Variants in RELN observed in about 807,000 individuals in gnomAD.
RELN encodes reelin.
RELN carries 108 observed loss-of-function variants against 427.6 expected under a neutral mutation model. The ratio of observed to expected loss-of-function variants is 0.25; its 90% confidence interval spans 0.22 to 0.30. RELN has a LOEUF of 0.30. Among genes scored for constraint, RELN ranks in the 10% least tolerant of loss-of-function variants. RELN has a pLI of 1.00. For synonymous variants in RELN, 1,524 were observed against 1,513.4 expected (o/e 1.01, Z -0.16); for missense variants, 3,715 against 4,302.8 (o/e 0.86, Z 3.82).
chr7:103,751,549 A>G (rs1014844147), intron 5 of RELN, among the ~76,000 whole-genome samples: 1 of 152,220 alleles, frequency 6.6e-6, no homozygotes, highest in Non-Finnish European at 1.5e-5. Flanking sequence ...GCTGTGATGT[A>G]TTCTGTGCAT....
At chr7:103,784,523 T>C (rs148234736) in intron 3 of RELN, among the ~76,000 whole-genome samples, 1 of 152,114 alleles carries the variant, frequency 6.6e-6, no homozygotes, top group African/African-American at 2.4e-5. Context: ...ATGGCTCTAT[T>C]TGGGTTTTAT....
At chr7:103,561,504 G>T in intron 36 of RELN, 28 bp downstream of exon 36, 3 of 1,541,138 alleles carry the variant, frequency 1.9e-6, no homozygotes, top group South Asian at 1.1e-5. Context: ...TAGTAATGTT[G>T]GGAAGGAGAA....
intron 4 of RELN, among the ~76,000 whole-genome samples, chr7:103,770,649 TA>T (rs1157962441): frequency 1.4e-4 from 15 of 106,202 alleles, no homozygotes; most frequent in African/African-American, 7.1e-4. Context: ...TTATTTTTTT[TA>T]AAAATTTTTT....
intron 8 of RELN, among the ~76,000 whole-genome samples, chr7:103,720,395 T>G (rs1384590439): frequency 6.6e-6 from 1 of 152,116 alleles, no homozygotes; most frequent in East Asian, 1.9e-4. Context: ...ATTGTGGTTA[T>G]ACATGCCCAA....
At chr7:103,826,051 G>T (rs39347) in intron 3 of RELN, among the ~76,000 whole-genome samples, 2 of 151,700 alleles carry the variant, frequency 1.3e-5, no homozygotes, top group African/African-American at 2.4e-5. Context: ...GAGTAGAGTA[G>T]TTACCTCAGG....
intron 61 of RELN, 128 bp downstream of exon 61, chr7:103,486,069 A>T: frequency 1.2e-6 from 1 of 860,940 alleles, no homozygotes; most frequent in Non-Finnish European, 2.0e-6. Flanking sequence ...CCCAAATTCA[A>T]ATGACAGGTT....
intron 53 of RELN, among the ~76,000 whole-genome samples, chr7:103,500,488 AAAG>A (rs1317664375): frequency 1.3e-5 from 2 of 152,228 alleles, no homozygotes; most frequent in African/African-American, 2.4e-5. Context: ...AAGAAAAAAA[AAAG>A]AAACCCAGAG....
chr7:103,739,174 C>A lies in RELN; in HGVS notation c.656+10252G>T, dbSNP rs571523070. Among the ~76,000 whole-genome samples the A allele has an allele frequency of 5.9e-5, 9 of 152,018 alleles. No homozygotes were observed. In the East Asian group the frequency reaches 1.7e-3, roughly 29 times the overall value. On this transcript the variant is annotated intron_variant, in intron 6 of 64. Coordinates refer to ENST00000428762, the MANE Select transcript of RELN (RefSeq NM_005045.4). ...TTGGCTGTTAGGTATAATTATTTTT[C>A]AAAAAAATCAAGAATTTCCCCATTC...
intron 1 of RELN, among the ~76,000 whole-genome samples, chr7:103,926,642 T>TG (rs1795746211): frequency 6.9e-5 from 2 of 29,050 alleles, no homozygotes; most frequent in Admixed American, 3.3e-4. Flanking sequence ...TTTTTTTTTT[T>TG]TTTTTTTTTT....
At position 103,604,233 on chromosome 7, in the gene RELN, C is replaced by T. The variant is rs1232827252; in HGVS notation, c.3146+113G>A. On this transcript the variant is annotated intron_variant, in intron 23 of 64. Coordinates refer to ENST00000428762, the MANE Select transcript of RELN (RefSeq NM_005045.4). ...AGAAAGGAGGACTTGTTTCTTTTGG[C>T]TATGTCATTATTTATCGGTCTATCC... 2.4e-6 allele frequency: 3 copies of T among 1,235,116 alleles called. No individual in the cohort carries two copies. In the African/African-American group the frequency reaches 4.4e-5, roughly 18 times the overall value. The allele number at this position is 1,235,116 out of a possible 1,614,324, so 76.5% of individuals were successfully genotyped here. A position where few individuals can be genotyped will look rare whatever the true frequency, so the allele number is the denominator to read the frequency against.
chr7:103,531,239 A>T (rs1829931325), intron 46 of RELN, among the ~76,000 whole-genome samples: 1 of 152,200 alleles, frequency 6.6e-6, no homozygotes, highest in Non-Finnish European at 1.5e-5. Context: ...AGAAACACAA[A>T]ATAACTTGCT....
Position 103,503,150 on chromosome 7 carries a change from A to G in RELN, c.8355T>C (p.Ser2785=), listed in dbSNP as rs765782063. ...HVQYSTDFGV[S]WNYLVPQCLP... Reference sequence around the variant, plus strand: ...AGCACTGAGGGACCAGATAATTCCAACTCACACCGAAGTCAGTAGAATACT... The same window carrying G: ...AGCACTGAGGGACCAGATAATTCCAGCTCACACCGAAGTCAGTAGAATACT... Residue 2785 remains serine (S), a synonymous_variant, in exon 52 of 65, where the codon AGT becomes AGC. Coordinates refer to ENST00000428762, the MANE Select transcript of RELN (RefSeq NM_005045.4). 12 of 1,614,018 alleles carry G rather than the reference A, an allele frequency of 7.4e-6. No homozygotes were observed. In the South Asian group the frequency reaches 1.1e-4, roughly 15 times the overall value.
At chr7:103,541,081 G>GGGT (rs1379206178) in intron 43 of RELN, among the ~76,000 whole-genome samples, 1 of 152,102 alleles carries the variant, frequency 6.6e-6, no homozygotes, top group Non-Finnish European at 1.5e-5. Flanking sequence ...CATGAGTGTG[G>GGGT]GGTGGTGGTG....
At chr7:103,749,186 GA>G (rs145212476) in intron 6 of RELN, among the ~76,000 whole-genome samples, 48 of 148,918 alleles carry the variant, frequency 3.2e-4, no homozygotes, top group African/African-American at 1.0e-3. Flanking sequence ...TTGCAAAACT[GA>G]AAAAAAAAAT....
intron 10 of RELN, among the ~76,000 whole-genome samples, chr7:103,695,814 T>G (rs116613105): frequency 0.011 from 1,649 of 152,248 alleles, 28 homozygotes; most frequent in African/African-American, 0.038. Context: ...ACATACGCTA[T>G]TCTGACGAAT....
At position 103,682,269 on chromosome 7, in the gene RELN, T is replaced by C. The variant is rs2115696480; in HGVS notation, c.1144-8A>G. ...ATCTGACTGACAGCTATGCTGTAGG[T>C]GAAAAGAGAGCACGGGGTGGCTGTT... is the stretch of plus-strand genomic sequence containing the variant. On this transcript the variant is annotated splice_polypyrimidine_tract_variant and splice_region_variant and intron_variant, in intron 10 of 64. Transcript: ENST00000428762. The C allele has an allele frequency of 1.2e-6, 2 of 1,613,928 alleles. No homozygotes were observed. The highest frequency in any genetic ancestry group is 8.5e-7 in the Non-Finnish European group (1 of 1,179,872).
chr7:103,981,536 C>G (rs1796990278), intron 1 of RELN, among the ~76,000 whole-genome samples: 1 of 152,144 alleles, frequency 6.6e-6, no homozygotes, highest in Non-Finnish European at 1.5e-5. Context: ...TTATGACTGA[C>G]CTAAAAGCAA....
At chr7:103,687,363 TTGGG>T (rs1833785004) in intron 10 of RELN, among the ~76,000 whole-genome samples, 1 of 152,108 alleles carries the variant, frequency 6.6e-6, no homozygotes, top group Non-Finnish European at 1.5e-5. Context: ...CATGGAGTGG[TTGGG>T]TTTTACAGTA....
At chr7:103,687,896 C>T (rs1190503421) in intron 10 of RELN, among the ~76,000 whole-genome samples, 1 of 152,108 alleles carries the variant, frequency 6.6e-6, no homozygotes, top group Non-Finnish European at 1.5e-5. Context: ...CGATCTGGCT[C>T]ATTTCCATGT....
Sources: allele counts gnomAD v4.1 joint callset (sites outside exome capture counted in the v4.1 genomes callset), GRCh38; gene constraint gnomAD v4.1.1; transcripts MANE v1.5; gene names NCBI Gene and HGNC (gene_info 2026-07-23, HGNC 2026-07-21).